ZBTB20: variants seen among roughly 807,000 people sequenced by gnomAD.
ZBTB20 encodes the protein zinc finger and BTB domain containing 20.
Under a neutral mutation model 56.9 loss-of-function variants are expected in ZBTB20, and 9 were observed. The ratio of observed to expected loss-of-function variants is 0.16; its 90% confidence interval spans 0.10 to 0.28. The LOEUF (loss-of-function observed/expected upper bound fraction) is 0.28. ZBTB20 is among the 10% of genes least tolerant of loss of function. The pLI, the probability that ZBTB20 is intolerant of heterozygous loss-of-function variation, is 1.00. For synonymous variants in ZBTB20, 417 were observed against 420.7 expected, an observed-to-expected ratio of 0.99 and a Z score of 0.11; for missense variants, 655 against 1,003.0, an observed-to-expected ratio of 0.65 and a Z score of 4.69.
chr3:114,452,098 A>T (rs1441198139), intron 7 of ZBTB20, among the ~76,000 whole-genome samples: 2 of 152,142 alleles, frequency 1.3e-5, no homozygotes, highest in Non-Finnish European at 2.9e-5. Context: ...GGGGGGTACC[A>T]AATGAAAAAT....
Position 114,859,810 on chromosome 3 carries a change from G to A in ZBTB20, c.-417+40494C>T, listed in dbSNP as rs140539863. The stretch of plus-strand genomic sequence containing the variant: ...CATAAATAAAGCAAAGGTTCAAACT[G>A]CACTTTTACAACTACAATGTCACTA... On this transcript the variant is annotated intron_variant, in intron 4 of 11. Transcript: ENST00000675478. Among the ~76,000 whole-genome samples, 368 of 152,186 alleles carry A rather than the reference G, an allele frequency of 2.4e-3. 1 individual carries two copies. The highest frequency in any genetic ancestry group is 8.4e-3 in the African/African-American group (349 of 41,530).
At chr3:115,082,867 TTAAA>T (rs2082848554) in intron 1 of ZBTB20, among the ~76,000 whole-genome samples, 1 of 152,008 alleles carries the variant, frequency 6.6e-6, no homozygotes. Context: ...TCTGCTCCTC[TTAAA>T]TATACTCATA....
rs78550220 is a variant in ZBTB20, at chr3:114,573,154, A to T, written c.-294-72763T>A. Among the ~76,000 whole-genome samples the T allele has an allele frequency of 5.1e-3, 772 of 152,292 alleles. 6 individuals carry two copies. The highest frequency in any genetic ancestry group is 0.017 in the African/African-American group (723 of 41,564). On this transcript the variant is annotated intron_variant, in intron 6 of 11. Coordinates refer to ENST00000675478, the MANE Select transcript of ZBTB20 (RefSeq NM_001348800.3). Reference sequence around the variant, plus strand: ...TGTTAATCTTAGAAATGACTGAAGAAAATGACATTCTAAAGAAAATGAGGG... The same window carrying T: ...TGTTAATCTTAGAAATGACTGAAGATAATGACATTCTAAAGAAAATGAGGG...
intron 10 of ZBTB20, among the ~76,000 whole-genome samples, chr3:114,354,563 G>GTTTTTT (rs59539017): frequency 7.7e-6 from 1 of 130,080 alleles, no homozygotes. Flanking sequence ...TTCTGAACAG[G>GTTTTTT]TTTTTTTTTG....
intron 7 of ZBTB20, among the ~76,000 whole-genome samples, chr3:114,436,739 T>G (rs2090544604): frequency 6.6e-6 from 1 of 152,160 alleles, no homozygotes. Context: ...CTTTTCTGAG[T>G]TCACATCACA....
Position 114,991,400 on chromosome 3 carries a change from G to A in ZBTB20, c.-506-16984C>T, listed in dbSNP as rs551763184. 7.9e-5 allele frequency among the ~76,000 whole-genome samples: 12 copies of A among 151,298 alleles called. No homozygotes were observed. The South Asian group carries it at 8.3e-4, about 10-fold the overall frequency. ...CTCAGGAGCAGGTTATTCAGTTTCCGTAGTTGAGTGGTTTTGAGTGAGTTT... is the reference window on the plus strand; with the variant it reads ...CTCAGGAGCAGGTTATTCAGTTTCCATAGTTGAGTGGTTTTGAGTGAGTTT... On this transcript the variant is annotated intron_variant, in intron 2 of 11. Transcript: ENST00000675478.
rs186187678 is a variant in ZBTB20, at chr3:114,550,137, A to G, written c.-294-49746T>C. 7.3e-3 allele frequency among the ~76,000 whole-genome samples: 1,110 copies of G among 152,062 alleles called. 14 individuals carry two copies. The highest frequency in any genetic ancestry group is 0.025 in the African/African-American group (1,057 of 41,476). On this transcript the variant is annotated intron_variant, in intron 6 of 11. Coordinates refer to ENST00000675478, the MANE Select transcript of ZBTB20 (RefSeq NM_001348800.3). Reference sequence around the variant, plus strand: ...GTATTTTTAGTAGAGATGGGGTTTCACCGTGTTAGCCAGGATGGTCTCAAT... The same window carrying G: ...GTATTTTTAGTAGAGATGGGGTTTCGCCGTGTTAGCCAGGATGGTCTCAAT...
chr3:114,429,494 G>A (rs937608065), intron 7 of ZBTB20, among the ~76,000 whole-genome samples: 1 of 152,082 alleles, frequency 6.6e-6, no homozygotes, highest in Non-Finnish European at 1.5e-5. Context: ...CCCTAACTCG[G>A]TAGCTCAGAA....
At chr3:114,568,695 T>C (rs2053078210) in intron 6 of ZBTB20, among the ~76,000 whole-genome samples, 2 of 152,190 alleles carry the variant, frequency 1.3e-5, no homozygotes, top group African/African-American at 4.8e-5. Flanking sequence ...TTCAAGGAAT[T>C]TGAGTTATTA....
intron 6 of ZBTB20, among the ~76,000 whole-genome samples, chr3:114,549,061 C>T (rs2050239834): frequency 6.6e-6 from 1 of 152,158 alleles, no homozygotes; most frequent in Non-Finnish European, 1.5e-5. Context: ...CCTTTGGCTA[C>T]TGAGAAAATG....
At chr3:114,563,431 C>T (rs535190447) in intron 6 of ZBTB20, among the ~76,000 whole-genome samples, 2 of 152,108 alleles carry the variant, frequency 1.3e-5, no homozygotes, top group South Asian at 2.1e-4. Flanking sequence ...TTTTAGAATC[C>T]TCATGAAGTA....
At chr3:114,539,903 CT>C (rs11288043) in intron 6 of ZBTB20, among the ~76,000 whole-genome samples, 53,897 of 143,344 alleles carry the variant, frequency 0.38, 11,019 homozygotes, top group East Asian at 0.73. Flanking sequence ...TTCAACCCAC[CT>C]TTTTTTTTTT....
intron 2 of ZBTB20, among the ~76,000 whole-genome samples, chr3:115,040,525 T>G (rs1263809518): frequency 6.6e-6 from 1 of 152,100 alleles, no homozygotes; most frequent in African/African-American, 2.4e-5. Context: ...CATTATGTAC[T>G]CAGAGGCATG....
At chr3:115,106,600 T>A (rs868512393) in intron 1 of ZBTB20, among the ~76,000 whole-genome samples, 1 of 152,128 alleles carries the variant, frequency 6.6e-6, no homozygotes, top group African/African-American at 2.4e-5. Context: ...CCAAGGACAA[T>A]AGTAGGCCAG....
At chr3:114,998,407 C>A (rs1262786471) in intron 2 of ZBTB20, among the ~76,000 whole-genome samples, 5 of 151,648 alleles carry the variant, frequency 3.3e-5, no homozygotes, top group Non-Finnish European at 5.9e-5. Context: ...CTGAAAATAA[C>A]TAGACTTAAT....
chr3:115,138,358 T>C (rs1482986337), intron 1 of ZBTB20, among the ~76,000 whole-genome samples: 2 of 152,090 alleles, frequency 1.3e-5, no homozygotes, highest in Non-Finnish European at 2.9e-5. Flanking sequence ...TTCTCTATCA[T>C]CATTTTTAAT....
At chr3:115,030,494 A>G (rs932746884) in intron 2 of ZBTB20, among the ~76,000 whole-genome samples, 3 of 151,272 alleles carry the variant, frequency 2.0e-5, no homozygotes, top group African/African-American at 7.3e-5. Context: ...TCCTAGTATT[A>G]TATCTGTCAA....
chr3:114,579,492 GTAA>G (rs948617571), intron 6 of ZBTB20, among the ~76,000 whole-genome samples: 1 of 150,204 alleles, frequency 6.7e-6, no homozygotes, highest in African/African-American at 2.4e-5. Flanking sequence ...AAGTAAAAGG[GTAA>G]TAATTCAATT....
intron 6 of ZBTB20, among the ~76,000 whole-genome samples, chr3:114,501,574 C>T (rs2043968434): frequency 6.8e-6 from 1 of 147,820 alleles, no homozygotes; most frequent in Non-Finnish European, 1.5e-5. Context: ...TGCAGTGAGC[C>T]CACATCACGC....
Sources: gnomAD v4.1 joint callset for allele counts (sites outside exome capture counted in the v4.1 genomes callset) on GRCh38, gnomAD v4.1.1 for gene constraint, MANE v1.5 for transcripts, NCBI Gene and HGNC (gene_info 2026-07-23, HGNC 2026-07-21) for gene names.